ABTB2: variants seen among roughly 807,000 people sequenced by gnomAD.
ABTB2 encodes ankyrin repeat and BTB domain containing 2.
A neutral mutation model predicts 104.1 loss-of-function variants in ABTB2; 56 were observed. The ratio of observed to expected loss-of-function variants is 0.54; its 90% CI spans 0.43 to 0.67. ABTB2 has a LOEUF of 0.67. ABTB2 is among the 30% of genes least tolerant of loss of function. The probability of loss-of-function intolerance (pLI) is 0.00; values close to 1 mark genes in which losing one functional copy is unlikely to be tolerated. For missense variants in ABTB2, 1,279 were observed against 1,407.7 expected (o/e 0.91, Z 1.46); for synonymous variants, 606 against 608.2 (o/e 1.00, Z 0.05).
chr11:34,312,793 T>C (rs1854873616), intron 1 of ABTB2, among the ~76,000 whole-genome samples: 1 of 152,168 alleles, frequency 6.6e-6, no homozygotes, highest in Non-Finnish European at 1.5e-5. Context: ...CTTGACCTCC[T>C]GGGCTCAGGC....
At chr11:34,211,645 G>A (rs981966373) in intron 1 of ABTB2, among the ~76,000 whole-genome samples, 8 of 152,062 alleles carry the variant, frequency 5.3e-5, no homozygotes, top group Non-Finnish European at 1.2e-4. Flanking sequence ...TGTAATCCCA[G>A]CACTTTGGGA....
intron 1 of ABTB2, among the ~76,000 whole-genome samples, chr11:34,321,056 C>T (rs1461816810): frequency 6.6e-6 from 1 of 152,134 alleles, no homozygotes; most frequent in Non-Finnish European, 1.5e-5. Flanking sequence ...GTGGCGCATG[C>T]CTGTAATCCC....
At chr11:34,320,613 C>T (rs1427209293) in intron 1 of ABTB2, among the ~76,000 whole-genome samples, 2 of 152,212 alleles carry the variant, frequency 1.3e-5, no homozygotes, top group Non-Finnish European at 2.9e-5. Context: ...GGCTGGCTGC[C>T]TCTTGAATTC....
chr11:34,151,021 A>G lies in ABTB2; in HGVS notation c.*1366T>C, dbSNP rs1367865547. 6.5e-6 allele frequency: 1 copy of G among 152,888 alleles called. No homozygotes were observed. The highest frequency in any genetic ancestry group is 1.5e-5 in the Non-Finnish European group (1 of 68,174). 9.5% of individuals were successfully genotyped at this position (152,888 alleles called of 1,614,324 possible). On this transcript the variant is annotated 3_prime_UTR_variant, in exon 17 of 17. Coordinates refer to ENST00000435224, the MANE Select transcript of ABTB2 (RefSeq NM_145804.3). ...ATGAGTGTTTATTGTTAATAAAACC[A>G]TAGTACATTTACAGTAAGTGACAAC...
rs1348803765 is a variant in ABTB2 at position 34,152,487 on chromosome 11, T to C, written c.2978A>G (p.Tyr993Cys). 4 of 1,608,770 alleles carry C rather than the reference T, an allele frequency of 2.5e-6. No individual in the cohort carries two copies. The African/African-American group carries it at 4.0e-5, about 16-fold the overall frequency. ...GCCCTGCACTTTGCTGCTGCGGCCG[T>C]AGATGAGCTGCCGGAAGGCATCCTG... is the stretch of plus-strand genomic sequence containing the variant. Reference protein sequence around the residue: ...LEQDAFRQLIYGRSSKVQGLD... With the variant: ...LEQDAFRQLICGRSSKVQGLD... The change falls in exon 17 of 17, where the codon TAC (tyrosine) becomes TGC (cysteine). Residue 993 changes from tyrosine to cysteine, a missense_variant. Coordinates refer to ENST00000435224, the MANE Select transcript of ABTB2 (RefSeq NM_145804.3).
At chr11:34,246,644 C>G (rs1328699836) in intron 1 of ABTB2, among the ~76,000 whole-genome samples, 1 of 146,112 alleles carries the variant, frequency 6.8e-6, no homozygotes, top group Admixed American at 6.8e-5. Context: ...TCTTGTCTCC[C>G]TGGACCTTTT....
At chr11:34,239,045 G>A (rs1853881014) in intron 1 of ABTB2, among the ~76,000 whole-genome samples, 1 of 151,988 alleles carries the variant, frequency 6.6e-6, no homozygotes, top group Non-Finnish European at 1.5e-5. Context: ...GAGCCACCAC[G>A]CCCAGCCCAC....
At chr11:34,304,558 C>T (rs1045251886) in intron 1 of ABTB2, among the ~76,000 whole-genome samples, 16 of 152,172 alleles carry the variant, frequency 1.1e-4, no homozygotes, top group South Asian at 2.1e-4. Flanking sequence ...TAGGGGCTCA[C>T]GCCTGTAATC....
At chr11:34,166,990 G>C (rs7109960) in intron 7 of ABTB2, among the ~76,000 whole-genome samples, 5 of 152,256 alleles carry the variant, frequency 3.3e-5, no homozygotes, top group Non-Finnish European at 5.9e-5. Context: ...ACGAGAGAGA[G>C]AGAGATGCCG....
chr11:34,273,865 A>G (rs529946610), intron 1 of ABTB2, among the ~76,000 whole-genome samples: 1 of 152,140 alleles, frequency 6.6e-6, no homozygotes, highest in Non-Finnish European at 1.5e-5. Context: ...AAAAATAATG[A>G]TATTTGGCCG....
chr11:34,174,989 C>G (rs575906357), intron 3 of ABTB2, among the ~76,000 whole-genome samples: 2 of 152,264 alleles, frequency 1.3e-5, no homozygotes, highest in African/African-American at 4.8e-5. Context: ...CCAACTCCCT[C>G]GGGGCTCTTG....
intron 1 of ABTB2, among the ~76,000 whole-genome samples, chr11:34,303,244 C>T (rs1854729147): frequency 6.6e-6 from 1 of 152,210 alleles, no homozygotes; most frequent in South Asian, 2.1e-4. Flanking sequence ...GTGCTGAGCA[C>T]TTCCTAGAGC....
intron 3 of ABTB2, among the ~76,000 whole-genome samples, chr11:34,183,738 T>C (rs1241739913): frequency 6.6e-6 from 1 of 152,224 alleles, no homozygotes; most frequent in Non-Finnish European, 1.5e-5. Flanking sequence ...GCATTTTTGC[T>C]CACTGACGTT....
At chr11:34,179,247 A>G (rs1377595592) in intron 3 of ABTB2, among the ~76,000 whole-genome samples, 2 of 152,228 alleles carry the variant, frequency 1.3e-5, no homozygotes, top group Non-Finnish European at 2.9e-5. Flanking sequence ...TCATGATATC[A>G]CACAGCTTCT....
In ABTB2 at chr11:34,171,038, C is replaced by A; in HGVS notation, c.1431G>T (p.Leu477=). ...ATTTTTCAGTAGCTGCTCGGGCATC[C>A]AGCCTCCGGAAGGAACTGAAACAGT... ...PEHCFSSFRR[L]DARAATEKFN... Residue 477 remains leucine, a synonymous_variant, in exon 5 of 17, where the codon CTG becomes CTT. Coordinates refer to ENST00000435224, the MANE Select transcript of ABTB2 (RefSeq NM_145804.3). 2.5e-6 allele frequency: 4 copies of A among 1,614,182 alleles called. No individual in the cohort carries two copies. The highest frequency in any genetic ancestry group is 3.4e-6 in the Non-Finnish European group (4 of 1,180,028).
At chr11:34,342,190 C>T (rs1246925207) in intron 1 of ABTB2, among the ~76,000 whole-genome samples, 1 of 152,232 alleles carries the variant, frequency 6.6e-6, no homozygotes, top group African/African-American at 2.4e-5. Context: ...ATTTCATTCA[C>T]ACTAACAGAA....
Position 34,185,083 on chromosome 11 carries a change from C to G in ABTB2, c.1245-11776G>C, listed in dbSNP as rs1389038194. On this transcript the variant is annotated intron_variant, in intron 3 of 16. Transcript: ENST00000435224. ...GTTTAGGCTCTTGGGATAGGTAATC[C>G]TGTTTGGATTCAGCTAACTGTAATC... is the stretch of plus-strand genomic sequence containing the variant. Among the ~76,000 whole-genome samples the G allele has an allele frequency of 2.0e-5, 3 of 152,198 alleles. No individual in the cohort carries two copies. In the East Asian group the frequency reaches 5.8e-4, roughly 29 times the overall value.
At chr11:34,177,277 TCAACA>T (rs1186390820) in intron 3 of ABTB2, among the ~76,000 whole-genome samples, 1 of 152,180 alleles carries the variant, frequency 6.6e-6, no homozygotes, top group Non-Finnish European at 1.5e-5. Flanking sequence ...TCCTTAGAAC[TCAACA>T]CTTGAGAAAA....
At chr11:34,305,446 G>A (rs1854759937) in intron 1 of ABTB2, among the ~76,000 whole-genome samples, 1 of 152,170 alleles carries the variant, frequency 6.6e-6, no homozygotes, top group Admixed American at 6.5e-5. Context: ...ACACCACATG[G>A]GCCTCCCAAC....
Sources: gnomAD v4.1 joint callset for allele counts (sites outside exome capture counted in the v4.1 genomes callset) on GRCh38, gnomAD v4.1.1 for gene constraint, MANE v1.5 for transcripts, NCBI Gene and HGNC (gene_info 2026-07-23, HGNC 2026-07-21) for gene names.